Variants in PCDHA13 observed in about 807,000 individuals in gnomAD.
The protein encoded by PCDHA13 is protocadherin alpha-13.
Under a neutral mutation model 64.8 loss-of-function variants are expected in PCDHA13, and 54 were observed. The observed-to-expected ratio is 0.83, with a 90% CI of 0.67 to 1.04. The LOEUF is 1.04. PCDHA13 is among the 50% of genes least tolerant of loss of function. The pLI, the probability that PCDHA13 is intolerant of heterozygous loss-of-function variation, is 0.00. For missense variants in PCDHA13, 1,248 were observed against 1,254.3 expected (o/e 0.99, Z 0.08); for synonymous variants, 587 against 564.4 (o/e 1.04, Z -0.57).
chr5:140,926,906 G>A (rs781809570), intron 1 of PCDHA13: 1 of 1,559,584 alleles, frequency 6.4e-7, no homozygotes, highest in Admixed American at 1.8e-5. Context: ...GTGGGCTGTG[G>A]GGTGGCAGTT....
chr5:140,930,702 A>T (rs1359159980), intron 1 of PCDHA13, among the ~76,000 whole-genome samples: 1 of 152,234 alleles, frequency 6.6e-6, no homozygotes, highest in African/African-American at 2.4e-5. Context: ...CTTGTAAGTT[A>T]TTCTTCCTCA....
At chr5:140,922,916 C>T (rs2081069739) in intron 1 of PCDHA13, among the ~76,000 whole-genome samples, 1 of 152,146 alleles carries the variant, frequency 6.6e-6, no homozygotes, top group South Asian at 2.1e-4. Context: ...TACAAATAAA[C>T]TTCAGACTTT....
intron 1 of PCDHA13, among the ~76,000 whole-genome samples, chr5:140,937,289 G>A (rs1252675615): frequency 6.6e-5 from 10 of 151,862 alleles, no homozygotes; most frequent in African/African-American, 9.7e-5. Flanking sequence ...CACCCGCTTC[G>A]GCCTCCCAAA....
In PCDHA13 at chr5:141,011,694, G is replaced by A. The variant is rs1473857552; in HGVS notation, c.*1757G>A. 1.3e-5 allele frequency: 2 copies of A among 153,662 alleles called. No individual in the cohort carries two copies. Among genetic ancestry groups the A allele is most frequent in the African/African-American group, 4.8e-5 (2 of 41,412 alleles). The allele number at this position is 153,662 out of a possible 1,614,324, so 9.5% of individuals were successfully genotyped here. On this transcript the variant is annotated 3_prime_UTR_variant, in exon 4 of 4. Coordinates refer to ENST00000289272, the MANE Select transcript of PCDHA13 (RefSeq NM_018904.3). The stretch of plus-strand genomic sequence containing the variant: ...CTGTTTTGTTCTAGTAACAATTTTG[G>A]AATGAATACTGACAATATTCCATGA...
At chr5:140,900,270 T>C (rs1203586696) in intron 1 of PCDHA13, among the ~76,000 whole-genome samples, 1 of 152,082 alleles carries the variant, frequency 6.6e-6, no homozygotes, top group Non-Finnish European at 1.5e-5. Flanking sequence ...ATTGTGTATA[T>C]GTACCACACT....
chr5:140,980,575 A>C (rs901433332), intron 2 of PCDHA13, among the ~76,000 whole-genome samples: 3 of 152,296 alleles, frequency 2.0e-5, no homozygotes, highest in Admixed American at 1.3e-4. Context: ...AGTTGCAGTG[A>C]GCCAAGATCG....
At chr5:141,001,276 T>C (rs2098003991) in intron 3 of PCDHA13, among the ~76,000 whole-genome samples, 1 of 152,210 alleles carries the variant, frequency 6.6e-6, no homozygotes. Context: ...GAACTTTTTT[T>C]ACGGATGAAA....
At chr5:140,978,851 C>T (rs2096826375) in intron 1 of PCDHA13, 98 bp from the exon 2 acceptor site, 2 of 1,578,528 alleles carry the variant, frequency 1.3e-6, no homozygotes, top group South Asian at 2.3e-5. Flanking sequence ...TTTTTAGATG[C>T]CTGGAAATAT....
At chr5:140,917,522 G>A (rs931609211) in intron 1 of PCDHA13, among the ~76,000 whole-genome samples, 1 of 152,144 alleles carries the variant, frequency 6.6e-6, no homozygotes, top group Non-Finnish European at 1.5e-5. Context: ...TTTATTCTAC[G>A]GTTTGTATAG....
At chr5:140,892,891 C>T (rs563104545) in intron 1 of PCDHA13, among the ~76,000 whole-genome samples, 1 of 152,264 alleles carries the variant, frequency 6.6e-6, no homozygotes, top group South Asian at 2.1e-4. Context: ...ATTAACCAAC[C>T]TTTCCCCATC....
chr5:140,995,899 A>G (rs900121248), intron 3 of PCDHA13, among the ~76,000 whole-genome samples: 2 of 152,226 alleles, frequency 1.3e-5, no homozygotes, highest in Non-Finnish European at 2.9e-5. Context: ...ATCAATGTAT[A>G]AAAGAGGAGA....
At chr5:140,941,618 C>A (rs532721732) in intron 1 of PCDHA13, among the ~76,000 whole-genome samples, 1 of 151,904 alleles carries the variant, frequency 6.6e-6, no homozygotes, top group African/African-American at 2.4e-5. Context: ...CCCAGCCCAT[C>A]CTGCTTCTTA....
At chr5:140,975,017 G>A (rs1474947976) in intron 1 of PCDHA13, among the ~76,000 whole-genome samples, 1 of 152,154 alleles carries the variant, frequency 6.6e-6, no homozygotes, top group Non-Finnish European at 1.5e-5. Flanking sequence ...ACACAGCTGG[G>A]CTGTGTTGTC....
Position 140,882,755 on chromosome 5 carries a change from G to T in PCDHA13, c.487G>T (p.Gly163Ter). Residue 163 changes from glycine (G) to a stop codon, truncating the protein, a stop_gained, in exon 1 of 4, where the codon GGA becomes TGA. Transcript: ENST00000289272. LOFTEE classifies it high-confidence loss of function. ...AGATGGCGCATCCGATGCAGATATT[G>T]GAGTAAACTCGGCATTGACCTACCG... ...PLDGASDADI[G>*]VNSALTYRLD... is the part of the protein sequence containing the mutation. The T allele has an allele frequency of 6.2e-7, 1 of 1,614,230 alleles. No individual in the cohort carries two copies. Among genetic ancestry groups the T allele is most frequent in the Non-Finnish European group, 8.5e-7 (1 of 1,180,046 alleles).
rs532609088 is a variant in PCDHA13, at chr5:140,890,699, T to A, written c.2394+6037T>A. 2.6e-5 allele frequency among the ~76,000 whole-genome samples: 4 copies of A among 152,312 alleles called. No homozygotes were observed. In the East Asian group the frequency reaches 7.7e-4, roughly 29 times the overall value. On this transcript the variant is annotated intron_variant, in intron 1 of 3. Transcript: ENST00000289272. ...CTCCTTCTGGGAAATGCAGGGACCT[T>A]ACATTTTTAAAATCTTTTTAATCCC... is the stretch of plus-strand genomic sequence containing the variant.
intron 1 of PCDHA13, among the ~76,000 whole-genome samples, chr5:140,976,181 A>G (rs1334452758): frequency 6.6e-6 from 1 of 152,208 alleles, no homozygotes; most frequent in Non-Finnish European, 1.5e-5. Flanking sequence ...ATTGTTTTAA[A>G]TCAATATCCT....
At chr5:140,927,092 G>T in intron 1 of PCDHA13, 1 of 1,612,746 alleles carries the variant, frequency 6.2e-7, no homozygotes, top group Non-Finnish European at 8.5e-7. Flanking sequence ...CTCTACTTCG[G>T]GGTGGATCTA....
rs1349826822 is a variant in PCDHA13, at chr5:140,911,368, C to A, written c.2394+26706C>A. Reference sequence around the variant, plus strand: ...CCTCATTTCAACAGTAGACACCTGGCAAGGCTGTGCATGCACCTTTCATTG... The same window carrying A: ...CCTCATTTCAACAGTAGACACCTGGAAAGGCTGTGCATGCACCTTTCATTG... On this transcript the variant is annotated intron_variant, in intron 1 of 3. Coordinates refer to ENST00000289272, the MANE Select transcript of PCDHA13 (RefSeq NM_018904.3). 3.3e-5 allele frequency among the ~76,000 whole-genome samples: 5 copies of A among 152,144 alleles called. No homozygotes were observed. The East Asian group carries it at 7.7e-4, about 23-fold the overall frequency.
intron 1 of PCDHA13, chr5:140,926,589 G>A: frequency 3.4e-6 from 1 of 292,780 alleles, no homozygotes; most frequent in Non-Finnish European, 6.2e-6. Context: ...TCTCGCGCCC[G>A]GGCGGGCGGC....
Sources: allele counts gnomAD v4.1 joint callset (sites outside exome capture counted in the v4.1 genomes callset), GRCh38; gene constraint gnomAD v4.1.1; transcripts MANE v1.5; gene names NCBI Gene and HGNC (gene_info 2026-07-23, HGNC 2026-07-21).